LMBR1: variants seen among roughly 807,000 people sequenced by gnomAD.
LMBR1 encodes the protein limb region 1 protein homolog.
In LMBR1, 52 loss-of-function variants were observed where a neutral mutation model predicts 73.9. The observed-to-expected ratio is 0.70, with a 90% CI of 0.56 to 0.89. The LOEUF (loss-of-function observed/expected upper bound fraction) is 0.89, where lower values mean the gene tolerates loss of function less well. Ranked by LOEUF, LMBR1 falls within the 40% of genes least tolerant of loss-of-function variation. LMBR1 has a pLI of 0.00. For synonymous variants in LMBR1, 215 were observed against 209.4 expected (o/e 1.03, Z -0.23); for missense variants, 539 against 579.8 (o/e 0.93, Z 0.72).
At chr7:156,676,707 T>C (rs7780080), downstream of LMBR1, 3,834 of 1,396,896 alleles carry the variant, frequency 2.7e-3, 75 homozygotes, top group African/African-American at 0.044. Context: ...TTTACCATCA[T>C]TTTGGATGAA....
At chr7:156,694,640 T>C (rs1208186870) in intron 15 of LMBR1, among the ~76,000 whole-genome samples, 2 of 152,190 alleles carry the variant, frequency 1.3e-5, no homozygotes, top group Non-Finnish European at 2.9e-5. Flanking sequence ...ATTATCTACA[T>C]ATGCAGTTGA....
chr7:156,760,557 CCAAA>C (rs200302774), intron 8 of LMBR1, among the ~76,000 whole-genome samples: 25 of 149,602 alleles, frequency 1.7e-4, no homozygotes, highest in Middle Eastern at 3.4e-3. Flanking sequence ...AGAAAGAAGA[CCAAA>C]CAAACAAACA....
At chr7:156,697,692 C>T (rs941675510) in intron 15 of LMBR1, among the ~76,000 whole-genome samples, 4 of 152,178 alleles carry the variant, frequency 2.6e-5, no homozygotes, top group African/African-American at 7.2e-5. Context: ...GGCAGTCAGA[C>T]CTTATGGTTG....
At chr7:156,674,180 G>T (rs1210277706), downstream of LMBR1, among the ~76,000 whole-genome samples, 1 of 152,224 alleles carries the variant, frequency 6.6e-6, no homozygotes, top group Non-Finnish European at 1.5e-5. Context: ...TCATAGGACA[G>T]TTCAGGTGTC....
At chr7:156,719,182 C>T (rs997546818) in intron 15 of LMBR1, among the ~76,000 whole-genome samples, 8 of 144,580 alleles carry the variant, frequency 5.5e-5, no homozygotes, top group African/African-American at 1.6e-4. Flanking sequence ...CTTCCTCTGT[C>T]CATGTGTTCT....
chr7:156,715,591 C>T (rs1471010522), intron 15 of LMBR1, among the ~76,000 whole-genome samples: 2 of 152,122 alleles, frequency 1.3e-5, no homozygotes, highest in African/African-American at 4.8e-5. Flanking sequence ...CCAGAATTCT[C>T]TTCATCCTAA....
At chr7:156,696,537 T>G (rs1396407785) in intron 15 of LMBR1, among the ~76,000 whole-genome samples, 1 of 152,142 alleles carries the variant, frequency 6.6e-6, no homozygotes, top group African/African-American at 2.4e-5. Flanking sequence ...TAGGAAGGCC[T>G]CACAGTCATG....
chr7:156,854,753 AC>A (rs1478745134), intron 1 of LMBR1, among the ~76,000 whole-genome samples: 1 of 152,218 alleles, frequency 6.6e-6, no homozygotes, highest in African/African-American at 2.4e-5. Flanking sequence ...TCACAAGACT[AC>A]AAAATGTTCC....
intron 9 of LMBR1, among the ~76,000 whole-genome samples, chr7:156,743,667 C>T (rs1351592059): frequency 6.6e-6 from 1 of 152,178 alleles, no homozygotes; most frequent in Non-Finnish European, 1.5e-5. Flanking sequence ...TTTCTTCTTT[C>T]CCAGCTAGTG....
At chr7:156,674,487 C>A (rs929637428), downstream of LMBR1, among the ~76,000 whole-genome samples, 2 of 152,206 alleles carry the variant, frequency 1.3e-5, no homozygotes, top group African/African-American at 4.8e-5. Flanking sequence ...TTCACATGTA[C>A]TAAAAAGGAG....
chr7:156,705,254 A>G (rs1810667650), intron 15 of LMBR1, among the ~76,000 whole-genome samples: 1 of 152,234 alleles, frequency 6.6e-6, no homozygotes. Flanking sequence ...GCATATTCAA[A>G]GCACTAAAAC....
intron 4 of LMBR1, chr7:156,822,539 A>G (rs1349658112): frequency 6.6e-6 from 1 of 152,242 alleles, no homozygotes; most frequent in African/African-American, 2.4e-5. Context: ...AGAATATTCA[A>G]TTAATGGTAT....
chr7:156,719,229 G>C (rs962552109), intron 15 of LMBR1, among the ~76,000 whole-genome samples: 2 of 149,332 alleles, frequency 1.3e-5, no homozygotes, highest in African/African-American at 5.0e-5. Flanking sequence ...AGAACATGTG[G>C]TGTTTGGTTT....
At chr7:156,763,543 G>T in intron 6 of LMBR1, 126 bp downstream of exon 6, 1 of 730,976 alleles carries the variant, frequency 1.4e-6, no homozygotes. Flanking sequence ...TCTTAATTCT[G>T]TAAATTAACA....
chr7:156,861,478 C>T (rs181805741), intron 1 of LMBR1, among the ~76,000 whole-genome samples: 5 of 152,324 alleles, frequency 3.3e-5, no homozygotes, highest in Admixed American at 3.3e-4. Context: ...TCTGACATGC[C>T]TTGGAGACAT....
chr7:156,866,022 G>T (rs1798397012), intron 1 of LMBR1, among the ~76,000 whole-genome samples: 1 of 150,318 alleles, frequency 6.7e-6, no homozygotes, highest in Non-Finnish European at 1.5e-5. Flanking sequence ...TGAACTTACA[G>T]TTGGCAAGGT....
At chr7:156,866,955 C>T (rs1011808230) in intron 1 of LMBR1, among the ~76,000 whole-genome samples, 1 of 152,146 alleles carries the variant, frequency 6.6e-6, no homozygotes, top group Admixed American at 6.6e-5. Context: ...GACATACAAG[C>T]GTGAGACCTT....
chr7:156,793,661 T>G (rs982135617), intron 5 of LMBR1, among the ~76,000 whole-genome samples: 14 of 152,182 alleles, frequency 9.2e-5, no homozygotes, highest in Non-Finnish European at 7.3e-5. Context: ...TTAGTGATAA[T>G]AAGTATTCTA....
At chr7:156,849,889 G>C (rs965956090) in intron 1 of LMBR1, among the ~76,000 whole-genome samples, 2 of 152,248 alleles carry the variant, frequency 1.3e-5, no homozygotes, top group East Asian at 3.9e-4. Context: ...CCACTCTGGT[G>C]GGGGATGCTG....
Sources: gnomAD v4.1 joint callset for allele counts (sites outside exome capture counted in the v4.1 genomes callset) on GRCh38, gnomAD v4.1.1 for gene constraint, MANE v1.5 for transcripts, NCBI Gene and HGNC (gene_info 2026-07-23, HGNC 2026-07-21) for gene names.